The following GTPBP4 variants were observed in gnomAD, a reference collection of about 807,000 sequenced individuals.
GTPBP4 encodes the protein GTP-binding protein 4.
A neutral mutation model predicts 81.7 loss-of-function variants in GTPBP4; 15 were observed. The ratio of observed to expected loss-of-function variants is 0.18; its 90% confidence interval spans 0.12 to 0.28. The LOEUF is 0.28. Ranked by LOEUF, GTPBP4 falls within the 10% of genes least tolerant of loss-of-function variation. The probability of loss-of-function intolerance (pLI) is 1.00; values close to 1 mark genes in which losing one functional copy is unlikely to be tolerated. For synonymous variants in GTPBP4, 272 were observed against 274.6 expected (o/e 0.99, Z 0.09); for missense variants, 847 against 793.8 (o/e 1.07, Z -0.81).
chr10:1,001,920 A>ATTT (rs1410951100), intron 8 of GTPBP4, among the ~76,000 whole-genome samples: 7 of 131,966 alleles, frequency 5.3e-5, no homozygotes, highest in African/African-American at 2.1e-4. Flanking sequence ...TTTTTTTTTT[A>ATTT]TTTTATTTTT....
At chr10:1,006,802 A>G (rs1831745935) in intron 9 of GTPBP4, among the ~76,000 whole-genome samples, 1 of 152,200 alleles carries the variant, frequency 6.6e-6, no homozygotes, top group Non-Finnish European at 1.5e-5. Flanking sequence ...CCGTCTGTGC[A>G]GAGGGTCACT....
At chr10:1,001,850 G>A (rs11253561) in intron 8 of GTPBP4, among the ~76,000 whole-genome samples, 7,772 of 151,948 alleles carry the variant, frequency 0.051, 656 homozygotes, top group African/African-American at 0.18. Flanking sequence ...CTGAGGAGAG[G>A]AATGTGTTTT....
At chr10:1,011,105 C>A (rs1831859338) in intron 13 of GTPBP4, among the ~76,000 whole-genome samples, 1 of 90,130 alleles carries the variant, frequency 1.1e-5, no homozygotes, top group Middle Eastern at 8.8e-3. Flanking sequence ...GCACCTCTTC[C>A]CCCCACCCCG....
chr10:1,000,999 T>C lies in GTPBP4; in HGVS notation c.898T>C (p.Ser300Pro). The C allele has an allele frequency of 2.5e-6, 4 of 1,604,212 alleles. No individual in the cohort carries two copies. Among genetic ancestry groups the C allele is most frequent in the African/African-American group, 2.7e-5 (2 of 74,870 alleles). ...KCDVKRIAELSEDDQKIFTDL... is the reference protein window; with the variant it reads ...KCDVKRIAELPEDDQKIFTDL... ...TGATGTGAAGAGAATAGCTGAACTT[T>C]CTGAAGATGATCAGGTAAATCACGT... is the stretch of plus-strand genomic sequence containing the variant. Residue 300 changes from serine to proline, a missense_variant, in exon 8 of 17, where the codon TCT (serine) becomes CCT (proline). Ser to Pro is a moderately conservative substitution (Grantham distance 74, BLOSUM62 -1). Transcript: ENST00000360803.
At position 996,809 on chromosome 10, in the gene GTPBP4, C is replaced by T. The variant is rs112614163; in HGVS notation, c.461-399C>T. 1,249 of 179,496 alleles carry T rather than the reference C, an allele frequency of 7.0e-3. 16 individuals are homozygous for T. The highest frequency in any genetic ancestry group is 0.027 in the African/African-American group (1,113 of 41,900). 11.1% of individuals were successfully genotyped at this position (179,496 alleles called of 1,614,324 possible). On this transcript the variant is annotated intron_variant, in intron 4 of 16. Transcript: ENST00000360803. ...ACCCTGGAGCCGTGTTTGTTACAGA[C>T]GAGGTGGCAGAGTGGCAGTAACCCA...
In GTPBP4 at chr10:1,000,802, G is replaced by T; in HGVS notation, c.780G>T (p.Gln260His). The T allele has an allele frequency of 6.2e-7, 1 of 1,611,766 alleles. No homozygotes were observed. Residue 260 changes from glutamine (Q) to histidine (H), a missense_variant, in exon 7 of 17, where the codon CAG becomes CAT. Gln to His is a conservative substitution (Grantham distance 24). This residue lies in a region of GTPBP4 where 600 missense variants were observed against 557.1 expected (regional missense o/e 1.08). Coordinates refer to ENST00000360803, the MANE Select transcript of GTPBP4 (RefSeq NM_012341.3). Reference protein sequence around the residue: ...AVLYVMDLSEQCGHGLREQLE... With the variant: ...AVLYVMDLSEHCGHGLREQLE... ...TGTATGTGATGGATTTGTCTGAGCAGTGTGGGCATGGGCTGAGGGAGCAGC... is the reference window on the plus strand; with the variant it reads ...TGTATGTGATGGATTTGTCTGAGCATTGTGGGCATGGGCTGAGGGAGCAGC...
At chr10:1,015,480 G>T (rs7900647) in intron 15 of GTPBP4, among the ~76,000 whole-genome samples, 1,358 of 6,808 alleles carry the variant, frequency 0.2, 282 homozygotes, top group South Asian at 0.38. Flanking sequence ...GGTCCTGAGC[G>T]CTGAGCCTGG....
rs1170904456 is a variant in GTPBP4 at position 1,005,847 on chromosome 10, A to T, written c.942A>T (p.Gly314=). 4 of 1,603,360 alleles carry T rather than the reference A, an allele frequency of 2.5e-6. No individual in the cohort carries two copies. The highest frequency in any genetic ancestry group is 3.4e-6 in the Non-Finnish European group (4 of 1,170,934). Reference sequence around the variant, plus strand: ...TATTTACAGATTTGCAGTCTGAAGGATTCCCTGTAATAGAGACCAGCACCC... The same window carrying T: ...TATTTACAGATTTGCAGTCTGAAGGTTTCCCTGTAATAGAGACCAGCACCC... ...QKIFTDLQSE[G]FPVIETSTLT... The change falls in exon 9 of 17, where the codon GGA becomes GGT. Residue 314 remains glycine (G), a synonymous_variant. Transcript: ENST00000360803.
intron 8 of GTPBP4, among the ~76,000 whole-genome samples, 199 bp from the exon 9 acceptor site, chr10:1,005,619 T>C (rs1382789160): frequency 6.6e-6 from 1 of 152,232 alleles, no homozygotes; most frequent in East Asian, 1.9e-4. Context: ...GTCGGCCATC[T>C]TTTTGATGTC....
At chr10:991,841 G>C (rs1831449510) in intron 1 of GTPBP4, among the ~76,000 whole-genome samples, 1 of 149,348 alleles carries the variant, frequency 6.7e-6, no homozygotes, top group South Asian at 2.1e-4. Context: ...GACTACAGGT[G>C]CCCGCTACCA....
intron 1 of GTPBP4, among the ~76,000 whole-genome samples, chr10:991,689 CTTTTTTTTTTT>C (rs778451253): frequency 6.7e-5 from 5 of 74,824 alleles, no homozygotes; most frequent in East Asian, 4.4e-4. Flanking sequence ...TAAAATTTAT[CTTTTTTTTTTT>C]TTTTTTTTTT....
intron 12 of GTPBP4, among the ~76,000 whole-genome samples, 176 bp downstream of exon 12, chr10:1,009,756 A>G (rs1831814770): frequency 6.6e-6 from 1 of 152,228 alleles, no homozygotes; most frequent in Non-Finnish European, 1.5e-5. Flanking sequence ...TCACGCCTGT[A>G]ATCACAGCAC....
chr10:993,568 A>C (rs1831486160), intron 2 of GTPBP4, among the ~76,000 whole-genome samples: 1 of 151,682 alleles, frequency 6.6e-6, no homozygotes, highest in African/African-American at 2.4e-5. Flanking sequence ...TTAGCTGTAG[A>C]AAAGCAAGAG....
chr10:991,776 AGCTCCGCCTCCCG>A (rs1831448226), intron 1 of GTPBP4, among the ~76,000 whole-genome samples: 1 of 142,440 alleles, frequency 7.0e-6, no homozygotes. Context: ...GCTCACTGCA[AGCTCCGCCTCCCG>A]GGTTCACGCC....
Position 992,515 on chromosome 10 carries a change from G to A in GTPBP4, c.75G>A (p.Lys25=), listed in dbSNP as rs1831463539. 1 of 1,604,230 alleles carries A rather than the reference G, an allele frequency of 6.2e-7. No individual in the cohort carries two copies. The highest frequency in any genetic ancestry group is 8.5e-7 in the Non-Finnish European group (1 of 1,171,704). ...ACTTCATAGACCTCACGTTGTCGAA[G>A]ACTCAACGAAAGACTCCAACCGTTA... ...AKDFIDLTLS[K]TQRKTPTVIH... The change falls in exon 2 of 17, where the codon AAG becomes AAA. Residue 25 remains lysine (K), a synonymous_variant. Transcript: ENST00000360803.
At chr10:992,404 A>G (rs1831461146) in intron 1 of GTPBP4, 85 bp from the exon 2 acceptor site, 2 of 858,480 alleles carry the variant, frequency 2.3e-6, no homozygotes, top group South Asian at 1.6e-5. Context: ...TGTCTCAAAA[A>G]AAAAAAAAAA....
intron 14 of GTPBP4, among the ~76,000 whole-genome samples, chr10:1,013,517 G>A (rs1290963390): frequency 1.3e-5 from 2 of 152,058 alleles, no homozygotes; most frequent in African/African-American, 4.8e-5. Context: ...GGCTGGGGCA[G>A]GAAAATGGTG....
In GTPBP4 at chr10:1,018,921, G is replaced by A. The variant is rs543907141; in HGVS notation, c.*1694G>A. On this transcript the variant is annotated 3_prime_UTR_variant, in exon 17 of 17. Coordinates refer to ENST00000360803, the MANE Select transcript of GTPBP4 (RefSeq NM_012341.3). The stretch of plus-strand genomic sequence containing the variant: ...ACAACAACAGTATGTTTTAAAGCAA[G>A]TATGTCTTTATTTGTAAGCATATTA... The A allele has an allele frequency of 3.3e-5, 5 of 152,402 alleles. No individual in the cohort carries two copies. Among genetic ancestry groups the A allele is most frequent in the African/African-American group, 9.6e-5 (4 of 41,538 alleles). 9.4% of individuals were successfully genotyped at this position (152,402 alleles called of 1,614,324 possible). A position where few individuals can be genotyped will look rare whatever the true frequency, so the allele number is the denominator to read the frequency against.
chr10:1,019,598 G>T lies in GTPBP4; in HGVS notation c.*2371G>T, dbSNP rs41299208. ...GCCACCACCGGTACAGAAACCTCTC[G>T]GCAATGGTTCTTAGCCAGGGGGTGA... On this transcript the variant is annotated 3_prime_UTR_variant, in exon 17 of 17. Coordinates refer to ENST00000360803, the MANE Select transcript of GTPBP4 (RefSeq NM_012341.3). 5.1e-4 allele frequency: 817 copies of T among 1,613,970 alleles called. 4 individuals are homozygous for T. The African/African-American group carries it at 0.01, about 20-fold the overall frequency.
Sources: allele counts gnomAD v4.1 joint callset (sites outside exome capture counted in the v4.1 genomes callset), GRCh38; gene constraint gnomAD v4.1.1; regional missense constraint gnomAD v4.1.1; transcripts MANE v1.5; gene names NCBI Gene and HGNC (gene_info 2026-07-23, HGNC 2026-07-21).